Variants in MAP4K3 observed in about 807,000 individuals in gnomAD.
The protein encoded by MAP4K3 is mitogen-activated protein kinase kinase kinase kinase 3.
Under a neutral mutation model 143.5 loss-of-function variants are expected in MAP4K3, and 94 were observed. That is an observed-to-expected ratio of 0.65 (90% CI 0.55 to 0.78). The LOEUF (loss-of-function observed/expected upper bound fraction) is 0.78, where lower values mean the gene tolerates loss of function less well. MAP4K3 is among the 30% of genes least tolerant of loss of function. The probability of loss-of-function intolerance (pLI) is 0.00; values close to 1 mark genes in which losing one functional copy is unlikely to be tolerated. For synonymous variants in MAP4K3, 416 were observed against 347.2 expected (o/e 1.20, Z -2.20); for missense variants, 1,077 against 1,068.1 (o/e 1.01, Z -0.12).
At chr2:39,411,563 A>G (rs1667233238) in intron 1 of MAP4K3, among the ~76,000 whole-genome samples, 1 of 152,342 alleles carries the variant, frequency 6.6e-6, no homozygotes, top group Non-Finnish European at 1.5e-5. Flanking sequence ...TTAAACTACA[A>G]TGTTACAATT....
intron 3 of MAP4K3, 124 bp downstream of exon 3, chr2:39,356,125 A>T: frequency 1.6e-6 from 1 of 625,272 alleles, no homozygotes; most frequent in South Asian, 2.4e-5. Flanking sequence ...TTGGTATGAA[A>T]ATATCCTATC....
chr2:39,267,679 CAAAAAAA>C (rs57082856), intron 26 of MAP4K3, among the ~76,000 whole-genome samples: 1 of 130,572 alleles, frequency 7.7e-6, no homozygotes. Flanking sequence ...ACTCGGTCTC[CAAAAAAA>C]AAAAAAAAAA....
At chr2:39,315,434 T>G (rs1055145402) in intron 12 of MAP4K3, 46 bp from the exon 13 acceptor site, 20 of 1,333,194 alleles carry the variant, frequency 1.5e-5, no homozygotes, top group Admixed American at 1.8e-5. Flanking sequence ...GATAATCAAG[T>G]CATAGTTTGG....
At chr2:39,253,718 C>A (rs768306872) in intron 32 of MAP4K3, among the ~76,000 whole-genome samples, 1 of 152,192 alleles carries the variant, frequency 6.6e-6, no homozygotes, top group Non-Finnish European at 1.5e-5. Context: ...AACAAATAAG[C>A]TTCCTTCCAA....
Position 39,250,089 on chromosome 2 carries a change from C to A in MAP4K3, c.*529G>T, listed in dbSNP as rs1680091234. 6.6e-6 allele frequency: 1 copy of A among 152,564 alleles called. No individual in the cohort carries two copies. The highest frequency in any genetic ancestry group is 2.1e-4 in the South Asian group (1 of 4,824). 9.5% of individuals were successfully genotyped at this position (152,564 alleles called of 1,614,324 possible). A position where few individuals can be genotyped will look rare whatever the true frequency, so the allele number is the denominator to read the frequency against. On this transcript the variant is annotated 3_prime_UTR_variant, in exon 34 of 34. Transcript: ENST00000263881. ...AATTAAAAAGATTATAAAATGATTA[C>A]AGCCTCCATTACAATTTTAAAAGTT...
chr2:39,315,312 G>A lies in MAP4K3; in HGVS notation c.995C>T (p.Thr332Ile), dbSNP rs780575269. 4 of 1,586,558 alleles carry A rather than the reference G, an allele frequency of 2.5e-6. No individual in the cohort carries two copies. Among genetic ancestry groups the A allele is most frequent in the Non-Finnish European group, 2.6e-6 (3 of 1,155,954 alleles). Residue 332 changes from threonine to isoleucine, a missense_variant and splice_region_variant, in exon 13 of 34, where the codon ACC (threonine) becomes ATC (isoleucine). Physicochemically the swap from Thr to Ile is moderately conservative, Grantham distance 89. Around this residue, in one of 2 missense-constraint regions of MAP4K3, gnomAD observed 864 missense variants for 801.2 expected, o/e 1.08. Transcript: ENST00000263881. ...AACTGTGTATAGTATATACTTACAG[G>A]TTATCTCTGAGCGTGTTTTTTCTTC... is the stretch of plus-strand genomic sequence containing the variant. ...VREEKTRSEI[T>I]FGQVKFDPPL...
intron 27 of MAP4K3, among the ~76,000 whole-genome samples, chr2:39,265,821 C>T (rs1374348992): frequency 1.3e-5 from 2 of 152,020 alleles, no homozygotes; most frequent in East Asian, 1.9e-4. Context: ...AGATATTAAT[C>T]GAACCTTAAA....
chr2:39,311,839 CA>C (rs781397713), intron 13 of MAP4K3, among the ~76,000 whole-genome samples: 3 of 152,124 alleles, frequency 2.0e-5, no homozygotes, highest in Non-Finnish European at 4.4e-5. Flanking sequence ...CTGTTAGAGA[CA>C]ATAAATGTTT....
At chr2:39,384,245 G>A (rs1328044517) in intron 1 of MAP4K3, among the ~76,000 whole-genome samples, 6 of 151,904 alleles carry the variant, frequency 3.9e-5, no homozygotes, top group South Asian at 2.1e-4. Context: ...CAGCACTGTC[G>A]GCCGGGCATG....
At chr2:39,280,801 G>GA (rs2148465464) in intron 22 of MAP4K3, among the ~76,000 whole-genome samples, 2 of 152,192 alleles carry the variant, frequency 1.3e-5, no homozygotes, top group East Asian at 3.9e-4. Flanking sequence ...ATTACAAACT[G>GA]AAACAGGTAT....
chr2:39,359,341 A>G (rs1558664964), intron 2 of MAP4K3, among the ~76,000 whole-genome samples: 13 of 152,210 alleles, frequency 8.5e-5, no homozygotes. Flanking sequence ...GGTCATGCTG[A>G]TAACAAGAGG....
intron 1 of MAP4K3, among the ~76,000 whole-genome samples, chr2:39,391,829 T>C (rs1666669189): frequency 6.6e-6 from 1 of 151,484 alleles, no homozygotes; most frequent in Non-Finnish European, 1.5e-5. Context: ...GCACATGGAG[T>C]TGGGAGGAGA....
At chr2:39,317,621 G>A (rs1432873010) in intron 12 of MAP4K3, among the ~76,000 whole-genome samples, 1 of 151,928 alleles carries the variant, frequency 6.6e-6, no homozygotes, top group East Asian at 1.9e-4. Flanking sequence ...TTCAAAAGAA[G>A]ACATATACAC....
At chr2:39,374,499 C>G (rs561935059) in intron 2 of MAP4K3, among the ~76,000 whole-genome samples, 80 of 151,958 alleles carry the variant, frequency 5.3e-4, no homozygotes, top group African/African-American at 1.7e-3. Context: ...CTGCCCAACA[C>G]AGTGAAACCC....
intron 19 of MAP4K3, among the ~76,000 whole-genome samples, chr2:39,289,332 A>G (rs1012384797): frequency 6.6e-6 from 1 of 152,216 alleles, no homozygotes; most frequent in African/African-American, 2.4e-5. Context: ...GAAAATAAAT[A>G]AAAATAGTAA....
intron 16 of MAP4K3, among the ~76,000 whole-genome samples, chr2:39,294,557 A>G (rs1682191240): frequency 6.6e-6 from 1 of 152,200 alleles, no homozygotes; most frequent in Non-Finnish European, 1.5e-5. Flanking sequence ...TAAAGCCAAG[A>G]CGGCCTGAAT....
intron 1 of MAP4K3, among the ~76,000 whole-genome samples, chr2:39,430,402 T>C (rs889853931): frequency 6.6e-6 from 1 of 152,018 alleles, no homozygotes; most frequent in African/African-American, 2.4e-5. Context: ...ACCAAACCTA[T>C]AATCAGGTCA....
chr2:39,387,228 C>T (rs1027522937), intron 1 of MAP4K3, among the ~76,000 whole-genome samples: 15 of 151,940 alleles, frequency 9.9e-5, no homozygotes, highest in Non-Finnish European at 1.8e-4. Context: ...TTTGCCTTTC[C>T]ATATAAATTT....
intron 3 of MAP4K3, among the ~76,000 whole-genome samples, chr2:39,352,507 A>T (rs1665489139): frequency 6.6e-6 from 1 of 152,200 alleles, no homozygotes; most frequent in Non-Finnish European, 1.5e-5. Context: ...GTCTATAATG[A>T]TTTAATTCTG....
Sources: gnomAD v4.1 joint callset for allele counts (sites outside exome capture counted in the v4.1 genomes callset) on GRCh38, gnomAD v4.1.1 for gene constraint, gnomAD v4.1.1 regional missense constraint, MANE v1.5 for transcripts, NCBI Gene and HGNC (gene_info 2026-07-23, HGNC 2026-07-21) for gene names.